PPARGC1A: variants seen among roughly 807,000 people sequenced by gnomAD.
PPARGC1A encodes the protein peroxisome proliferator-activated receptor gamma coactivator 1-alpha.
In PPARGC1A, 25 loss-of-function variants were observed where a neutral mutation model predicts 88.7. The observed-to-expected ratio is 0.28, with a 90% CI of 0.21 to 0.39. PPARGC1A has a LOEUF of 0.39. PPARGC1A is among the 10% of genes least tolerant of loss of function. The pLI is 1.00. For synonymous variants in PPARGC1A, 363 were observed against 355.6 expected (o/e 1.02, Z -0.24); for missense variants, 880 against 968.7 (o/e 0.91, Z 1.22).
intron 2 of PPARGC1A, among the ~76,000 whole-genome samples, chr4:23,882,467 T>C (rs992601094): frequency 4.6e-5 from 7 of 152,152 alleles, no homozygotes; most frequent in African/African-American, 1.7e-4. Flanking sequence ...TCCTGTAGGC[T>C]GTTGGATGTT....
At chr4:24,387,399 T>G in the PPARGC1A span, among the ~76,000 whole-genome samples, 1 of 152,108 alleles carries the variant, frequency 6.6e-6, no homozygotes, top group South Asian at 2.1e-4. Context: ...CAATGGAATG[T>G]AATTAAACTA....
At chr4:24,004,649 G>A in the PPARGC1A span, among the ~76,000 whole-genome samples, 1 of 152,140 alleles carries the variant, frequency 6.6e-6, no homozygotes, top group Non-Finnish European at 1.5e-5. Context: ...GTGTCTTTTA[G>A]GAAATCACTG....
chr4:23,844,424 A>G (rs1221951306), intron 2 of PPARGC1A, among the ~76,000 whole-genome samples: 6 of 128,432 alleles, frequency 4.7e-5, no homozygotes, highest in Admixed American at 9.2e-5. Context: ...TATATAATAT[A>G]TTATATATAT....
the PPARGC1A span, among the ~76,000 whole-genome samples, chr4:24,401,439 C>CACATGAGTCCAAGGT: frequency 1.3e-5 from 2 of 152,166 alleles, no homozygotes; most frequent in Non-Finnish European, 2.9e-5. Flanking sequence ...AACACGTTTG[C>CACATGAGTCCAAGGT]CCATGAGTCC....
At chr4:24,036,280 C>A in the PPARGC1A span, among the ~76,000 whole-genome samples, 6 of 152,182 alleles carry the variant, frequency 3.9e-5, no homozygotes, top group Admixed American at 3.9e-4. Flanking sequence ...AGAACTCTTA[C>A]ACACTGCTAG....
chr4:23,962,122 T>A, the PPARGC1A span, among the ~76,000 whole-genome samples: 87 of 148,196 alleles, frequency 5.9e-4, 2 homozygotes, highest in East Asian at 0.013. Context: ...CTCATCTTTT[T>A]ATTTTTTTTT....
the PPARGC1A span, among the ~76,000 whole-genome samples, chr4:24,163,761 A>G: frequency 6.6e-6 from 1 of 152,192 alleles, no homozygotes; most frequent in Non-Finnish European, 1.5e-5. Flanking sequence ...AGCTAAATAC[A>G]TGCTTTAGCC....
chr4:24,203,337 G>A, the PPARGC1A span, among the ~76,000 whole-genome samples: 3 of 152,094 alleles, frequency 2.0e-5, no homozygotes, highest in African/African-American at 7.2e-5. Context: ...TCAGGAGTTC[G>A]AGACCAGTCT....
the PPARGC1A span, among the ~76,000 whole-genome samples, chr4:24,472,440 C>T: frequency 1.3e-5 from 2 of 152,126 alleles, no homozygotes; most frequent in Non-Finnish European, 2.9e-5. The surrounding 1 kb of genome is among the most constrained non-coding windows in gnomAD (Gnocchi z 4.5). Context: ...AGGGTGTCTT[C>T]CGACAGCCCG....
chr4:24,246,858 T>C, the PPARGC1A span, among the ~76,000 whole-genome samples: 1 of 152,060 alleles, frequency 6.6e-6, no homozygotes, highest in African/African-American at 2.4e-5. Flanking sequence ...TTTCTCAAAG[T>C]GTGAGCCACA....
chr4:23,952,325 T>G, the PPARGC1A span, among the ~76,000 whole-genome samples: 2 of 152,138 alleles, frequency 1.3e-5, no homozygotes, highest in Admixed American at 6.6e-5. Flanking sequence ...GAGGCCCATA[T>G]AAAGCCTCCC....
At chr4:23,897,643 T>C (rs1718759936) in intron 1 of PPARGC1A, among the ~76,000 whole-genome samples, 2 of 60,304 alleles carry the variant, frequency 3.3e-5, no homozygotes. Flanking sequence ...GAAAGGCAAC[T>C]GGCGCTCAGT....
the PPARGC1A span, among the ~76,000 whole-genome samples, chr4:24,213,151 A>G: frequency 6.8e-6 from 1 of 146,902 alleles, no homozygotes; most frequent in East Asian, 2.0e-4. Context: ...GTCAGGGCAC[A>G]ACTGATTATT....
At chr4:23,836,891 G>T (rs1726122121) in intron 2 of PPARGC1A, among the ~76,000 whole-genome samples, 1 of 152,192 alleles carries the variant, frequency 6.6e-6, no homozygotes, top group Admixed American at 6.5e-5. Flanking sequence ...AAGGAGGAGA[G>T]GAGGGACTCT....
the PPARGC1A span, among the ~76,000 whole-genome samples, chr4:24,079,779 C>CCCA: frequency 6.6e-6 from 1 of 152,056 alleles, no homozygotes; most frequent in Non-Finnish European, 1.5e-5. Context: ...CCCAGTCAAT[C>CCCA]AGGTAACTCA....
the PPARGC1A span, among the ~76,000 whole-genome samples, chr4:24,186,810 C>CA: frequency 0.015 from 1,969 of 135,224 alleles, 15 homozygotes; most frequent in Middle Eastern, 0.023. Context: ...TACTTGCCTG[C>CA]AAAAAAAAAA....
the PPARGC1A span, among the ~76,000 whole-genome samples, chr4:24,012,400 A>G: frequency 6.6e-6 from 1 of 152,070 alleles, no homozygotes; most frequent in African/African-American, 2.4e-5. Flanking sequence ...GATTTCTACT[A>G]TTCACTCTTA....
chr4:24,093,854 T>C, the PPARGC1A span, among the ~76,000 whole-genome samples: 7 of 152,208 alleles, frequency 4.6e-5, no homozygotes, highest in Admixed American at 1.3e-4. Flanking sequence ...CTCTGAGACC[T>C]GGTTTCCATG....
At chr4:24,049,254 A>G in the PPARGC1A span, among the ~76,000 whole-genome samples, 7 of 144,220 alleles carry the variant, frequency 4.9e-5, no homozygotes, top group African/African-American at 1.5e-4. Flanking sequence ...ATACACATAT[A>G]TGTATATAAA....
Sources: allele counts gnomAD v4.1 joint callset (sites outside exome capture counted in the v4.1 genomes callset), GRCh38; gene constraint gnomAD v4.1.1; non-coding constraint Gnocchi (gnomAD v3.1); transcripts MANE v1.5; gene names NCBI Gene and HGNC (gene_info 2026-07-23, HGNC 2026-07-21).